Variants in MAP4K5 observed in about 807,000 individuals in gnomAD.
MAP4K5 encodes mitogen-activated protein kinase kinase kinase kinase 5.
Under a neutral mutation model 135.6 loss-of-function variants are expected in MAP4K5, and 82 were observed. The observed-to-expected ratio is 0.60, with a 90% CI of 0.51 to 0.73. MAP4K5 has a LOEUF of 0.73. MAP4K5 is among the 30% of genes least tolerant of loss of function. The pLI is 0.00. For missense variants in MAP4K5, 907 were observed against 1,010.9 expected, an observed-to-expected ratio of 0.90 and a Z score of 1.39; for synonymous variants, 347 against 335.0, an observed-to-expected ratio of 1.04 and a Z score of -0.39.
intron 31 of MAP4K5, among the ~76,000 whole-genome samples, chr14:50,424,307 T>C (rs1197484526): frequency 1.3e-5 from 2 of 151,872 alleles, no homozygotes; most frequent in Non-Finnish European, 2.9e-5. Flanking sequence ...AGAGATGTTC[T>C]AATCATTGTG....
intron 26 of MAP4K5, among the ~76,000 whole-genome samples, chr14:50,435,435 G>A (rs1318501823): frequency 6.6e-6 from 1 of 152,026 alleles, no homozygotes; most frequent in Non-Finnish European, 1.5e-5. Context: ...CACAGTAATA[G>A]CTAACTGCAG....
At chr14:50,548,389 T>C (rs2038661033) in intron 1 of MAP4K5, among the ~76,000 whole-genome samples, 1 of 152,146 alleles carries the variant, frequency 6.6e-6, no homozygotes, top group African/African-American at 2.4e-5. Context: ...GCCCAAGCAC[T>C]AGAGGTCCCA....
chr14:50,441,125 G>A (rs1460441986), intron 21 of MAP4K5, among the ~76,000 whole-genome samples: 1 of 152,126 alleles, frequency 6.6e-6, no homozygotes, highest in Non-Finnish European at 1.5e-5. Flanking sequence ...ATAAACGAAT[G>A]AATAAGTGGG....
At chr14:50,463,979 A>G (rs984880985) in intron 12 of MAP4K5, 73 bp downstream of exon 12, 1 of 795,624 alleles carries the variant, frequency 1.3e-6, no homozygotes, top group African/African-American at 1.8e-5. Flanking sequence ...TCTTAAAAAC[A>G]TAAATACTTT....
chr14:50,533,085 T>A (rs1480141360), upstream of MAP4K5: 1 of 152,356 alleles, frequency 6.6e-6, no homozygotes, highest in Non-Finnish European at 1.5e-5. Flanking sequence ...TGGTACCAGT[T>A]TGAGGCTGCA....
At chr14:50,497,179 G>A (rs535198865) in intron 3 of MAP4K5, among the ~76,000 whole-genome samples, 5 of 151,798 alleles carry the variant, frequency 3.3e-5, no homozygotes, top group African/African-American at 1.2e-4. Context: ...TGGCAATCTT[G>A]TGAATATGGT....
At chr14:50,491,374 G>A (rs952606295) in intron 3 of MAP4K5, among the ~76,000 whole-genome samples, 2 of 148,666 alleles carry the variant, frequency 1.3e-5, no homozygotes, top group Non-Finnish European at 3.0e-5. Context: ...CCAGGCTAAA[G>A]TGCAGTGGTG....
At chr14:50,531,338 T>A (rs950889414) in intron 2 of MAP4K5, among the ~76,000 whole-genome samples, 2 of 152,164 alleles carry the variant, frequency 1.3e-5, no homozygotes, top group African/African-American at 4.8e-5. Flanking sequence ...AAGGAACCGC[T>A]AAAGTAAAAC....
intron 1 of MAP4K5, among the ~76,000 whole-genome samples, chr14:50,544,527 CAG>C (rs960244733): frequency 2.0e-5 from 3 of 152,194 alleles, no homozygotes; most frequent in African/African-American, 7.2e-5. Flanking sequence ...TTGCTATTAA[CAG>C]GGTACACAAG....
chr14:50,521,346 C>A (rs1315960067), intron 2 of MAP4K5, among the ~76,000 whole-genome samples: 1 of 152,144 alleles, frequency 6.6e-6, no homozygotes, highest in African/African-American at 2.4e-5. Context: ...TACAGCATGG[C>A]AGACAATGTG....
At chr14:50,426,447 G>A (rs897068135) in intron 30 of MAP4K5, among the ~76,000 whole-genome samples, 3 of 152,140 alleles carry the variant, frequency 2.0e-5, no homozygotes, top group Non-Finnish European at 2.9e-5. Flanking sequence ...AAACCTGGCC[G>A]GGCGCAGTGG....
chr14:50,508,175 CTTTT>C (rs1345624016), intron 2 of MAP4K5, among the ~76,000 whole-genome samples: 1 of 151,900 alleles, frequency 6.6e-6, no homozygotes, highest in Non-Finnish European at 1.5e-5. Context: ...GCAACCCCTG[CTTTT>C]TTTTGTTTTC....
Position 50,442,794 on chromosome 14 carries a change from A to G in MAP4K5, c.1502T>C (p.Val501Ala). Residue 501 changes from valine to alanine, a missense_variant, in exon 21 of 33, where the codon GTT becomes GCT. Around this residue, in one of 3 missense-constraint regions of MAP4K5, gnomAD observed 690 missense variants for 777.4 expected, o/e 0.89. Transcript: ENST00000682126. ...AATTTTCAAAGGACAGCCATCAAAA[A>G]CTTTTGAAAAGCATGCTCCCATCTT... The part of the protein sequence containing the change: ...KVLMGACFSK[V>A]FDGCPLKINC... 2 of 1,595,754 alleles carry G rather than the reference A, an allele frequency of 1.3e-6. No homozygotes were observed. Among genetic ancestry groups the G allele is most frequent in the Non-Finnish European group, 1.7e-6 (2 of 1,170,862 alleles).
At chr14:50,521,687 A>G (rs2038155529) in intron 2 of MAP4K5, among the ~76,000 whole-genome samples, 1 of 152,222 alleles carries the variant, frequency 6.6e-6, no homozygotes, top group Non-Finnish European at 1.5e-5. Flanking sequence ...ATGACTCACT[A>G]GCCCAAACAC....
At chr14:50,466,464 C>T in intron 11 of MAP4K5, 119 bp downstream of exon 11, 1 of 371,514 alleles carries the variant, frequency 2.7e-6, no homozygotes, top group Non-Finnish European at 5.2e-6. Context: ...AGCTGTGTAA[C>T]TTTGAGAAAA....
At chr14:50,540,975 T>C (rs557195104) in intron 2 of MAP4K5, among the ~76,000 whole-genome samples, 1 of 152,372 alleles carries the variant, frequency 6.6e-6, no homozygotes, top group South Asian at 2.1e-4. Flanking sequence ...GAATGTGGAT[T>C]ATTAAAAATT....
chr14:50,473,068 T>A (rs8009810), intron 9 of MAP4K5, among the ~76,000 whole-genome samples: 131,140 of 152,088 alleles, frequency 0.86, 58,294 homozygotes, highest in Non-Finnish European at 0.96. Flanking sequence ...ATTCGATACG[T>A]AGTGTTTTTT....
chr14:50,507,186 A>G (rs988928156), intron 2 of MAP4K5, among the ~76,000 whole-genome samples: 1 of 152,166 alleles, frequency 6.6e-6, no homozygotes, highest in African/African-American at 2.4e-5. Flanking sequence ...ACTTAATTCT[A>G]TTTATTTAAA....
At chr14:50,471,737 T>C (rs1415403788) in intron 9 of MAP4K5, 2 of 152,168 alleles carry the variant, frequency 1.3e-5, no homozygotes, top group Admixed American at 1.3e-4. Context: ...GAAAAATCTT[T>C]TACATGTAAG....
Sources: allele counts gnomAD v4.1 joint callset (sites outside exome capture counted in the v4.1 genomes callset), GRCh38; gene constraint gnomAD v4.1.1; regional missense constraint gnomAD v4.1.1; transcripts MANE v1.5; gene names NCBI Gene and HGNC (gene_info 2026-07-23, HGNC 2026-07-21).